Variants in BNC2 observed in about 807,000 individuals in gnomAD.
The protein encoded by BNC2 is zinc finger protein basonuclin-2.
A neutral mutation model predicts 76.3 loss-of-function variants in BNC2; 20 were observed. That is an observed-to-expected ratio of 0.26 (90% CI 0.18 to 0.38). BNC2 has a LOEUF of 0.38. Among genes scored for constraint, BNC2 ranks in the 10% least tolerant of loss-of-function variants. The probability of loss-of-function intolerance (pLI) is 1.00; values close to 1 mark genes in which losing one functional copy is unlikely to be tolerated. For missense variants in BNC2, 1,382 were observed against 1,399.8 expected (o/e 0.99, Z 0.20); for synonymous variants, 582 against 514.8 (o/e 1.13, Z -1.77).
chr9:16,857,337 C>T (rs75764795), intron 1 of BNC2, among the ~76,000 whole-genome samples: 21,130 of 151,600 alleles, frequency 0.14, 2,101 homozygotes, highest in African/African-American at 0.28. Flanking sequence ...ATTAGCCGGG[C>T]GGGTTGGCAG....
intron 1 of BNC2, among the ~76,000 whole-genome samples, chr9:16,769,879 C>T (rs369618454): frequency 1.3e-5 from 2 of 152,126 alleles, no homozygotes; most frequent in African/African-American, 4.8e-5. Context: ...ATAGACCAAC[C>T]TGTGGCATTT....
chr9:16,849,352 A>ATTTTTTTTTTTT (rs35561834), intron 1 of BNC2, among the ~76,000 whole-genome samples: 1 of 90,084 alleles, frequency 1.1e-5, no homozygotes, highest in African/African-American at 4.6e-5. Context: ...CATGCAAAAG[A>ATTTTTTTTTTTT]TTTTTTTTTT....
chr9:16,839,951 C>G (rs117045120), intron 1 of BNC2, among the ~76,000 whole-genome samples: 3,748 of 152,300 alleles, frequency 0.025, 73 homozygotes, highest in Non-Finnish European at 0.039. Flanking sequence ...CTTCCAATGA[C>G]CCAAGCAAGA....
chr9:16,716,270 A>T (rs1298881111), intron 3 of BNC2, among the ~76,000 whole-genome samples: 1 of 152,228 alleles, frequency 6.6e-6, no homozygotes, highest in Non-Finnish European at 1.5e-5. Flanking sequence ...CATGACTATT[A>T]TCACAGCAAA....
chr9:16,752,066 T>A (rs989331834), intron 1 of BNC2, among the ~76,000 whole-genome samples: 6 of 152,216 alleles, frequency 3.9e-5, no homozygotes, highest in Admixed American at 2.6e-4. Flanking sequence ...AAGATCCAGT[T>A]TTTTATGTAC....
intron 3 of BNC2, among the ~76,000 whole-genome samples, chr9:16,642,117 C>T (rs1821506613): frequency 1.3e-5 from 2 of 152,160 alleles, no homozygotes; most frequent in South Asian, 4.1e-4. Flanking sequence ...TCACCTGATA[C>T]TAGAAAATTA....
intron 1 of BNC2, among the ~76,000 whole-genome samples, chr9:16,800,278 T>C (rs1228145562): frequency 6.6e-6 from 1 of 151,204 alleles, no homozygotes; most frequent in African/African-American, 2.4e-5. Context: ...GGATGGCAGG[T>C]GGATGGAAAA....
chr9:16,563,468 T>G (rs1819075814), intron 4 of BNC2, among the ~76,000 whole-genome samples: 1 of 151,870 alleles, frequency 6.6e-6, no homozygotes, highest in Non-Finnish European at 1.5e-5. Context: ...AAAAAAAAAA[T>G]TATAAATCAT....
intron 1 of BNC2, among the ~76,000 whole-genome samples, chr9:16,781,636 AAAT>A (rs1826157455): frequency 6.6e-6 from 1 of 152,240 alleles, no homozygotes; most frequent in Non-Finnish European, 1.5e-5. Context: ...AGATTTAATT[AAAT>A]GTTTCAATAT....
intron 2 of BNC2, among the ~76,000 whole-genome samples, chr9:16,735,764 A>C (rs978006719): frequency 1.3e-5 from 2 of 151,800 alleles, no homozygotes; most frequent in African/African-American, 4.8e-5. Context: ...CTTGCCTCCC[A>C]AAGTGCTGGG....
chr9:16,540,348 T>G (rs910350322), intron 5 of BNC2, among the ~76,000 whole-genome samples: 2 of 152,056 alleles, frequency 1.3e-5, no homozygotes, highest in South Asian at 2.1e-4. Flanking sequence ...AAATCATTAT[T>G]TAAACACTCT....
intron 5 of BNC2, among the ~76,000 whole-genome samples, chr9:16,512,729 T>C (rs1158645852): frequency 1.3e-5 from 2 of 152,242 alleles, no homozygotes; most frequent in Non-Finnish European, 2.9e-5. Flanking sequence ...TATAAAAGTA[T>C]CATTTTTCAT....
chr9:16,846,600 G>C (rs949949147), intron 1 of BNC2, among the ~76,000 whole-genome samples: 2 of 152,308 alleles, frequency 1.3e-5, no homozygotes, highest in East Asian at 3.9e-4. Context: ...TCTTTCAGCA[G>C]GCATGGACAA....
chr9:16,696,886 C>A (rs1221437917), intron 3 of BNC2, among the ~76,000 whole-genome samples: 7 of 152,214 alleles, frequency 4.6e-5, no homozygotes, highest in Admixed American at 3.3e-4. Context: ...TATAATTTAG[C>A]CTATTAAGGT....
intron 1 of BNC2, among the ~76,000 whole-genome samples, chr9:16,861,450 T>C (rs1010961828): frequency 1.3e-5 from 2 of 151,926 alleles, no homozygotes; most frequent in Non-Finnish European, 1.5e-5. Context: ...ACTCAGAATA[T>C]ATAAACAGCA....
At chr9:16,666,232 T>C (rs1193373703) in intron 3 of BNC2, among the ~76,000 whole-genome samples, 1 of 152,216 alleles carries the variant, frequency 6.6e-6, no homozygotes, top group African/African-American at 2.4e-5. Context: ...TCCAGAGCTA[T>C]AGTTTGCCAG....
chr9:16,447,907 C>G (rs1002351820), intron 5 of BNC2, among the ~76,000 whole-genome samples: 1 of 151,996 alleles, frequency 6.6e-6, no homozygotes, highest in East Asian at 1.9e-4. Flanking sequence ...TCAATTAAAC[C>G]CTTTAATAGT....
chr9:16,835,391 T>A (rs1239396073), intron 1 of BNC2, among the ~76,000 whole-genome samples: 4 of 152,142 alleles, frequency 2.6e-5, no homozygotes, highest in Non-Finnish European at 5.9e-5. Context: ...CCTCACTGCA[T>A]TTGTGGTTAT....
chr9:16,438,675 T>C (rs1475241880), intron 5 of BNC2, among the ~76,000 whole-genome samples: 1 of 152,160 alleles, frequency 6.6e-6, no homozygotes, highest in Non-Finnish European at 1.5e-5. Flanking sequence ...ACCCTGACCA[T>C]GAATTTAAGA....
Sources: allele counts gnomAD v4.1 joint callset (sites outside exome capture counted in the v4.1 genomes callset), GRCh38; gene constraint gnomAD v4.1.1; transcripts MANE v1.5; gene names NCBI Gene and HGNC (gene_info 2026-07-23, HGNC 2026-07-21).